Variants in GABBR1 observed in about 807,000 individuals in gnomAD.
The protein encoded by GABBR1 is gamma-aminobutyric acid type B receptor subunit 1, also known as GABA-B receptor, R1 subunit.
GABBR1 carries 35 observed loss-of-function variants against 117.7 expected under a neutral mutation model. That is an observed-to-expected ratio of 0.30 (90% CI 0.23 to 0.39). GABBR1 has a LOEUF of 0.39. Ranked by LOEUF, GABBR1 falls within the 10% of genes least tolerant of loss-of-function variation. GABBR1 has a pLI of 1.00. For missense variants in GABBR1, 709 were observed against 1,241.8 expected (o/e 0.57, Z 6.45); for synonymous variants, 442 against 486.6 (o/e 0.91, Z 1.21).
At position 29,630,138 on chromosome 6, in the gene GABBR1, T is replaced by G; in HGVS notation, c.475+320A>C. 1 of 309,348 alleles carries G rather than the reference T, an allele frequency of 3.2e-6. No homozygotes were observed. The highest frequency in any genetic ancestry group is 5.9e-6 in the Non-Finnish European group (1 of 169,756). The allele number at this position is 309,348 out of a possible 1,614,324, so 19.2% of individuals were successfully genotyped here. A position where few individuals can be genotyped will look rare whatever the true frequency, so the allele number is the denominator to read the frequency against. On this transcript the variant is annotated intron_variant, in intron 4 of 22. Transcript: ENST00000377034. The surrounding 1 kb of genome is among the most constrained non-coding windows in gnomAD (Gnocchi z 4.9). ...TTTCTAAGTTTAGAGAAAGGGAAAATTGGAGTATTTAAACCTGAAGAAGGT... is the reference window on the plus strand; with the variant it reads ...TTTCTAAGTTTAGAGAAAGGGAAAAGTGGAGTATTTAAACCTGAAGAAGGT...
At chr6:29,608,775 C>T in intron 15 of GABBR1, 42 bp from the exon 16 acceptor site, 1 of 1,598,478 alleles carries the variant, frequency 6.3e-7, no homozygotes, top group East Asian at 2.2e-5. Context: ...AGAGAATTAC[C>T]CCTCTTCTCC....
chr6:29,625,700 C>T (rs1764201338), intron 6 of GABBR1, among the ~76,000 whole-genome samples: 1 of 152,144 alleles, frequency 6.6e-6, no homozygotes, highest in Admixed American at 6.6e-5. Context: ...TCCCAGGTCC[C>T]ACGTCTGCTC....
chr6:29,628,051 G>T, intron 5 of GABBR1: 4 of 1,155,938 alleles, frequency 3.5e-6, no homozygotes, highest in Non-Finnish European at 4.3e-6. Context: ...GGAGGGAGAT[G>T]TGGGGCTGGG....
Position 29,623,991 on chromosome 6 carries a change from C to G in GABBR1, c.691G>C (p.Glu231Gln). 2 of 1,612,934 alleles carry G rather than the reference C, an allele frequency of 1.2e-6. No homozygotes were observed. Among genetic ancestry groups the G allele is most frequent in the Non-Finnish European group, 1.7e-6 (2 of 1,179,938 alleles). Residue 231 changes from glutamate (E) to glutamine (Q), a missense_variant, in exon 7 of 23, where the codon GAG becomes CAG. Transcript: ENST00000377034. The surrounding 1 kb of genome is among the most constrained non-coding windows in gnomAD (Gnocchi z 6.2). ...TTGATAGGGTCGTTGTAGAGCAGCT[C>G]ATATAGGTACTTGGTGGCTTGGCCT... ...DPGQATKYLY[E>Q]LLYNDPIKII...
chr6:29,631,613 C>A lies in GABBR1; in HGVS notation c.86-14G>T, dbSNP rs752706429. 8.1e-6 allele frequency: 13 copies of A among 1,612,190 alleles called. No homozygotes were observed. Among genetic ancestry groups the A allele is most frequent in the Non-Finnish European group, 1.1e-5 (13 of 1,178,566 alleles). Reference sequence around the variant, plus strand: ...TGATCTGGCAACCTAAGGGGTGAGTCGGGGAGGCATACAGAGAGGAATGGT... The same window carrying A: ...TGATCTGGCAACCTAAGGGGTGAGTAGGGGAGGCATACAGAGAGGAATGGT... On this transcript the variant is annotated splice_polypyrimidine_tract_variant and intron_variant, in intron 2 of 22. Coordinates refer to ENST00000377034, the MANE Select transcript of GABBR1 (RefSeq NM_001470.4). The surrounding 1 kb of genome is among the most constrained non-coding windows in gnomAD (Gnocchi z 5.9).
rs527337774 is a variant in GABBR1, at chr6:29,605,185, G to C, written c.2440-197C>G. ...TGTCCCAAACCAGTTTTCACTCTTG[G>C]TTAACCCCTCCCCTCAAGGCAGGAA... On this transcript the variant is annotated intron_variant, in intron 20 of 22. Coordinates refer to ENST00000377034, the MANE Select transcript of GABBR1 (RefSeq NM_001470.4). The surrounding 1 kb of genome is among the most constrained non-coding windows in gnomAD (Gnocchi z 4.2). 3.5e-5 allele frequency: 22 copies of C among 629,078 alleles called. No homozygotes were observed. The highest frequency in any genetic ancestry group is 8.7e-4 in the Middle Eastern group (2 of 2,310). The allele number at this position is 629,078 out of a possible 1,614,324, so 39.0% of individuals were successfully genotyped here.
At chr6:29,625,172 C>T (rs1210710344) in intron 6 of GABBR1, among the ~76,000 whole-genome samples, 1 of 152,082 alleles carries the variant, frequency 6.6e-6, no homozygotes, top group African/African-American at 2.4e-5. Flanking sequence ...CCTACCCTCA[C>T]TCTGGCCAAG....
chr6:29,617,493 G>A (rs996774654), intron 11 of GABBR1, among the ~76,000 whole-genome samples: 20 of 151,736 alleles, frequency 1.3e-4, no homozygotes, highest in African/African-American at 4.8e-4. Context: ...GCAGAGACGG[G>A]GTTTCACCAT....
chr6:29,603,503 T>C lies in GABBR1; in HGVS notation c.*40A>G. Reference sequence around the variant, plus strand: ...GAGTCCCCTGCCCTTCCCCTCTCCCTTTCCCTCCCCCTACTGGCCTGTCCT... The same window carrying C: ...GAGTCCCCTGCCCTTCCCCTCTCCCCTTCCCTCCCCCTACTGGCCTGTCCT... On this transcript the variant is annotated 3_prime_UTR_variant, in exon 23 of 23. Coordinates refer to ENST00000377034, the MANE Select transcript of GABBR1 (RefSeq NM_001470.4). 6.6e-7 allele frequency: 1 copy of C among 1,523,970 alleles called. No homozygotes were observed. Among genetic ancestry groups the C allele is most frequent in the Non-Finnish European group, 8.9e-7 (1 of 1,127,012 alleles). 94.4% of individuals were successfully genotyped at this position (1,523,970 alleles called of 1,614,324 possible).
chr6:29,606,291 A>C lies in GABBR1; in HGVS notation c.2311+100T>G. The stretch of plus-strand genomic sequence containing the variant: ...TTCAAACTGGGTTGACAAGCTCTCT[A>C]CCTCCTCTTCCAAAGACCCCTCTCC... On this transcript the variant is annotated intron_variant, in intron 19 of 22. Transcript: ENST00000377034. The surrounding 1 kb of genome is among the most constrained non-coding windows in gnomAD (Gnocchi z 4.5). The C allele has an allele frequency of 1.2e-6, 1 of 809,816 alleles. No individual in the cohort carries two copies. Among genetic ancestry groups the C allele is most frequent in the Non-Finnish European group, 2.2e-6 (1 of 460,100 alleles). 50.2% of individuals were successfully genotyped at this position (809,816 alleles called of 1,614,324 possible). A position where few individuals can be genotyped will look rare whatever the true frequency, so the allele number is the denominator to read the frequency against.
chr6:29,628,243 G>T, intron 5 of GABBR1: 1 of 947,222 alleles, frequency 1.1e-6, no homozygotes, highest in Non-Finnish European at 1.3e-6. Context: ...AGGAAGGGAG[G>T]GATCTCACTT....
intron 6 of GABBR1, among the ~76,000 whole-genome samples, chr6:29,626,266 C>T (rs934079594): frequency 2.0e-5 from 3 of 152,194 alleles, no homozygotes; most frequent in African/African-American, 7.2e-5. Flanking sequence ...CCCAGACACA[C>T]ACCTATTTCT....
rs990469474 is a variant in GABBR1, at chr6:29,622,040, A to C, written c.1065+64T>G. On this transcript the variant is annotated intron_variant, in intron 9 of 22. Transcript: ENST00000377034. This position sits in a 1 kb window ranked among gnomAD's most constrained non-coding sequence, Gnocchi z 4.6. Reference sequence around the variant, plus strand: ...TGCCCCCGCCTGGCTTTCCTCTCCAACCAGTCACTGTCCCCCAGCTTGGTC... The same window carrying C: ...TGCCCCCGCCTGGCTTTCCTCTCCACCCAGTCACTGTCCCCCAGCTTGGTC... 1.3e-5 allele frequency: 18 copies of C among 1,431,726 alleles called. No homozygotes were observed. The highest frequency in any genetic ancestry group is 1.7e-5 in the Non-Finnish European group (17 of 1,016,674). The allele number at this position is 1,431,726 out of a possible 1,614,324, so 88.7% of individuals were successfully genotyped here.
Position 29,603,013 on chromosome 6 carries a change from T to C in GABBR1, c.*530A>G, listed in dbSNP as rs1228124483. 4.4e-6 allele frequency: 2 copies of C among 456,798 alleles called. No individual in the cohort carries two copies. The highest frequency in any genetic ancestry group is 1.5e-5 in the South Asian group (1 of 64,576). The allele number at this position is 456,798 out of a possible 1,614,324, so 28.3% of individuals were successfully genotyped here. On this transcript the variant is annotated 3_prime_UTR_variant, in exon 23 of 23. Coordinates refer to ENST00000377034, the MANE Select transcript of GABBR1 (RefSeq NM_001470.4). ...AGCATGTGAGCCTTGGCGAAAAGAA[T>C]GAGCTCCCAAAGGAAGCAAAATTCA...
Position 29,611,025 on chromosome 6 carries a change from G to T in GABBR1, c.1631-24C>A. The T allele has an allele frequency of 6.3e-7, 1 of 1,587,772 alleles. No individual in the cohort carries two copies. The highest frequency in any genetic ancestry group is 8.6e-7 in the Non-Finnish European group (1 of 1,157,042). Reference sequence around the variant, plus strand: ...ACCTGGGCAGACGACAATAAAAGGAGTGACCACAGGTAGCCAAAGAGCTGA... The same window carrying T: ...ACCTGGGCAGACGACAATAAAAGGATTGACCACAGGTAGCCAAAGAGCTGA... On this transcript the variant is annotated intron_variant, in intron 13 of 22. Transcript: ENST00000377034. The surrounding 1 kb of genome is among the most constrained non-coding windows in gnomAD (Gnocchi z 4.6).
At chr6:29,628,995 C>G in intron 5 of GABBR1, 92 bp downstream of exon 5, 1 of 1,492,446 alleles carries the variant, frequency 6.7e-7, no homozygotes, top group South Asian at 1.1e-5. Context: ...GGACGACGCC[C>G]CGTAGCCTAA....
rs1761446613 is a variant in GABBR1, at chr6:29,602,322, T to C, written c.*1221A>G. 6.5e-6 allele frequency: 1 copy of C among 153,522 alleles called. No individual in the cohort carries two copies. Among genetic ancestry groups the C allele is most frequent in the South Asian group, 2.0e-4 (1 of 4,882 alleles). The allele number at this position is 153,522 out of a possible 1,614,324, so 9.5% of individuals were successfully genotyped here. On this transcript the variant is annotated 3_prime_UTR_variant, in exon 23 of 23. Transcript: ENST00000377034. Reference sequence around the variant, plus strand: ...GAAAGGGACACCACCTCCCACCCCATAGGTCCATCTGTCTATCCCAACAGT... The same window carrying C: ...GAAAGGGACACCACCTCCCACCCCACAGGTCCATCTGTCTATCCCAACAGT...
intron 12 of GABBR1, among the ~76,000 whole-genome samples, chr6:29,612,891 A>G (rs2127409163): frequency 6.6e-6 from 1 of 152,344 alleles, no homozygotes; most frequent in South Asian, 2.1e-4. Flanking sequence ...GGCCTAAGCA[A>G]GTCAGCAAAT....
chr6:29,629,102 G>A lies in GABBR1; in HGVS notation c.481C>T (p.Arg161Ter). 1 of 1,612,982 alleles carries A rather than the reference G, an allele frequency of 6.2e-7. No homozygotes were observed. The highest frequency in any genetic ancestry group is 8.5e-7 in the Non-Finnish European group (1 of 1,180,020). ...CTCATCTCACCTGAGTGTGGCGTTC[G>A]ATTCACTGGCAGCAGGAAAGACGGG... ...STPKPHCQVN[R>*]TPHSERRAVY... Residue 161 changes from arginine (R) to a stop codon, truncating the protein, a stop_gained, in exon 5 of 23, where the codon CGA (arginine) becomes TGA (stop). Transcript: ENST00000377034. LOFTEE classifies it high-confidence loss of function.
Sources: allele counts gnomAD v4.1 joint callset (sites outside exome capture counted in the v4.1 genomes callset), GRCh38; gene constraint gnomAD v4.1.1; non-coding constraint Gnocchi (gnomAD v3.1); transcripts MANE v1.5; gene names NCBI Gene and HGNC (gene_info 2026-07-23, HGNC 2026-07-21).